Variants in MPP4 observed in about 807,000 individuals in gnomAD.
MPP4 encodes the protein MAGUK p55 subfamily member 4.
MPP4 carries 91 observed loss-of-function variants against 98.3 expected under a neutral mutation model. The observed-to-expected ratio is 0.93, with a 90% CI of 0.78 to 1.10. The LOEUF (loss-of-function observed/expected upper bound fraction) is 1.10, where lower values mean the gene tolerates loss of function less well. Ranked by LOEUF, MPP4 falls within the 50% of genes least tolerant of loss-of-function variation. The pLI, the probability that MPP4 is intolerant of heterozygous loss-of-function variation, is 0.00. For missense variants in MPP4, 744 were observed against 792.9 expected (o/e 0.94, Z 0.74); for synonymous variants, 261 against 271.8 (o/e 0.96, Z 0.39).
chr2:201,666,153 A>G (rs900231526), intron 13 of MPP4, 181 bp downstream of exon 13: 1 of 500,796 alleles, frequency 2.0e-6, no homozygotes, highest in Non-Finnish European at 3.6e-6. Flanking sequence ...ACCTGGAGAC[A>G]TTACCACAGC....
At chr2:201,664,957 AG>A (rs2105923849) in intron 13 of MPP4, 1 of 167,286 alleles carries the variant, frequency 6.0e-6, no homozygotes, top group East Asian at 1.9e-4. Context: ...TGGAAAAGCC[AG>A]GAACAGAACA....
At position 201,660,338 on chromosome 2, in the gene MPP4, A is replaced by G. The variant is rs759852085; in HGVS notation, c.1081T>C (p.Ser361Pro). ...AGGAAATAAAAACAATTACCTTCTG[A>G]AAGTTCCTCTGGATATTTGGGTAAG... ...DEETFESEEL[S>P]EDKEEFVGYG... The change falls in exon 15 of 22, where the codon TCA (serine) becomes CCA (proline). Residue 361 changes from serine (S) to proline (P), a missense_variant. Physicochemically the swap from Ser to Pro is moderately conservative, Grantham distance 74. Transcript: ENST00000409474. The G allele has an allele frequency of 1.9e-6, 3 of 1,613,360 alleles. No homozygotes were observed. The South Asian group carries it at 3.3e-5, about 18-fold the overall frequency.
chr2:201,675,083 T>C (rs760543477), intron 11 of MPP4, 124 bp downstream of exon 11: 12 of 1,122,566 alleles, frequency 1.1e-5, no homozygotes, highest in Middle Eastern at 2.3e-4. Context: ...GAGATTGATT[T>C]AAATAACAAC....
chr2:201,683,271 T>C (rs913397889), intron 7 of MPP4, among the ~76,000 whole-genome samples: 2 of 152,224 alleles, frequency 1.3e-5, no homozygotes, highest in Non-Finnish European at 2.9e-5. Context: ...GTAGGTATTA[T>C]TCAAAAGAGA....
At chr2:201,675,370 CT>C in intron 10 of MPP4, 99 bp from the exon 11 acceptor site, 1 of 1,179,048 alleles carries the variant, frequency 8.5e-7, no homozygotes, top group Non-Finnish European at 1.2e-6. Flanking sequence ...CAGAATGTTT[CT>C]TAGAATTCTG....
intron 13 of MPP4, chr2:201,664,382 A>G (rs1408707273): frequency 7.5e-7 from 1 of 1,337,484 alleles, no homozygotes; most frequent in Non-Finnish European, 9.9e-7. Flanking sequence ...TAAAATGTAA[A>G]AAGCAGCTCA....
intron 16 of MPP4, among the ~76,000 whole-genome samples, chr2:201,657,620 C>CTTTTTTTTTTTTTTTTTTTTT (rs1687894177): frequency 6.5e-5 from 4 of 61,686 alleles, no homozygotes; most frequent in East Asian, 6.9e-4. Flanking sequence ...TTTTTTTTTG[C>CTTTTTTTTTTTTTTTTTTTTT]TTATTGTATC....
At chr2:201,653,241 C>T in intron 18 of MPP4, among the ~76,000 whole-genome samples, 1 of 152,184 alleles carries the variant, frequency 6.6e-6, no homozygotes, top group East Asian at 1.9e-4. Context: ...TTCCTGTAAG[C>T]TCTTCTCCTT....
intron 8 of MPP4, 73 bp downstream of exon 8, chr2:201,682,758 G>T: frequency 7.6e-7 from 1 of 1,318,976 alleles, no homozygotes; most frequent in Non-Finnish European, 1.1e-6. Context: ...GTGCACACAC[G>T]TGGGCTTGAT....
At chr2:201,667,056 T>G (rs1409832496) in intron 12 of MPP4, among the ~76,000 whole-genome samples, 1 of 152,214 alleles carries the variant, frequency 6.6e-6, no homozygotes, top group Non-Finnish European at 1.5e-5. Context: ...AGGCTAGGAT[T>G]GAGAAAATGC....
At chr2:201,646,506 A>C (rs1687562581) in intron 21 of MPP4, among the ~76,000 whole-genome samples, 1 of 152,204 alleles carries the variant, frequency 6.6e-6, no homozygotes, top group Non-Finnish European at 1.5e-5. Flanking sequence ...GTGGCTTTAC[A>C]AAGTGACCAT....
At position 201,645,307 on chromosome 2, in the gene MPP4, T is replaced by C; in HGVS notation, c.1817A>G (p.Asp606Gly). The change falls in exon 22 of 22, where the codon GAT becomes GGT. Residue 606 changes from aspartate to glycine, a missense_variant. Asp to Gly is a moderately conservative substitution (Grantham distance 94). Coordinates refer to ENST00000409474, the MANE Select transcript of MPP4 (RefSeq NM_033066.3). ...GGCAGACAACAACTGGGCACATGCATCGTGCAAGCTGTCATTCACAATCAC... is the reference window on the plus strand; with the variant it reads ...GGCAGACAACAACTGGGCACATGCACCGTGCAAGCTGTCATTCACAATCAC... ...DHVIVNDSLH[D>G]ACAQLLSAIQ... is the part of the protein sequence containing the mutation. The C allele has an allele frequency of 1.2e-6, 2 of 1,614,022 alleles. No individual in the cohort carries two copies. Among genetic ancestry groups the C allele is most frequent in the Non-Finnish European group, 1.7e-6 (2 of 1,179,884 alleles).
Position 201,645,333 on chromosome 2 carries a change from A to G in MPP4, c.1791T>C (p.His597=), listed in dbSNP as rs946787289. Residue 597 remains histidine, a synonymous_variant, in exon 22 of 22, where the codon CAT becomes CAC. Coordinates refer to ENST00000409474, the MANE Select transcript of MPP4 (RefSeq NM_033066.3). The stretch of plus-strand genomic sequence containing the variant: ...CGTGCAAGCTGTCATTCACAATCAC[A>G]TGATCAAAAAATTGGCCAAACTGAG... ...METQFGQFFD[H]VIVNDSLHDA... is the part of the protein sequence containing the mutation. The G allele has an allele frequency of 3.7e-6, 6 of 1,613,916 alleles. No individual in the cohort carries two copies. The highest frequency in any genetic ancestry group is 4.5e-5 in the East Asian group (2 of 44,894).
At chr2:201,696,615 A>G (rs1689193987) in intron 1 of MPP4, among the ~76,000 whole-genome samples, 1 of 152,210 alleles carries the variant, frequency 6.6e-6, no homozygotes, top group African/African-American at 2.4e-5. Context: ...CTACCCATTC[A>G]GCAGTTGGGG....
At chr2:201,678,052 C>T (rs1421502118) in intron 10 of MPP4, among the ~76,000 whole-genome samples, 1 of 152,024 alleles carries the variant, frequency 6.6e-6, no homozygotes, top group Non-Finnish European at 1.5e-5. Flanking sequence ...GTAGACTCTG[C>T]TATTGACATA....
At chr2:201,677,879 G>A (rs1020265631) in intron 10 of MPP4, among the ~76,000 whole-genome samples, 5 of 152,166 alleles carry the variant, frequency 3.3e-5, no homozygotes, top group Non-Finnish European at 7.3e-5. Context: ...CTTCTCAAAA[G>A]CCACATCAGC....
At chr2:201,652,515 G>C (rs896501468) in intron 18 of MPP4, among the ~76,000 whole-genome samples, 1 of 152,094 alleles carries the variant, frequency 6.6e-6, no homozygotes, top group Non-Finnish European at 1.5e-5. Flanking sequence ...CTTTCACTCA[G>C]GTTTAATTTT....
intron 1 of MPP4, among the ~76,000 whole-genome samples, chr2:201,695,787 G>A (rs143521931): frequency 1.2e-3 from 180 of 152,266 alleles, no homozygotes; most frequent in African/African-American, 4.1e-3. Context: ...GTATACCTTC[G>A]GATAGGAAGT....
intron 16 of MPP4, 131 bp from the exon 17 acceptor site, chr2:201,656,499 G>C: frequency 1.1e-6 from 1 of 871,210 alleles, no homozygotes; most frequent in East Asian, 3.1e-5. Flanking sequence ...TCTGAAGTTA[G>C]AAGATGGGAA....
Sources: gnomAD v4.1 joint callset for allele counts (sites outside exome capture counted in the v4.1 genomes callset) on GRCh38, gnomAD v4.1.1 for gene constraint, MANE v1.5 for transcripts, NCBI Gene and HGNC (gene_info 2026-07-23, HGNC 2026-07-21) for gene names.